RRP12: variants seen among roughly 807,000 people sequenced by gnomAD.
The protein encoded by RRP12 is RRP12-like protein.
In RRP12, 78 loss-of-function variants were observed where a neutral mutation model predicts 157.3. The ratio of observed to expected loss-of-function variants is 0.50; its 90% confidence interval spans 0.41 to 0.60. RRP12 has a LOEUF of 0.60. Ranked by LOEUF, RRP12 falls within the 20% of genes least tolerant of loss-of-function variation. The pLI is 0.00. For missense variants in RRP12, 1,521 were observed against 1,679.9 expected (o/e 0.91, Z 1.65); for synonymous variants, 726 against 670.9 (o/e 1.08, Z -1.27).
chr10:97,392,468 GCCT>G (rs1433773368), intron 4 of RRP12, among the ~76,000 whole-genome samples: 1 of 152,092 alleles, frequency 6.6e-6, no homozygotes, highest in Non-Finnish European at 1.5e-5. Context: ...TCCTGCCTCA[GCCT>G]CCCAAGTAGC....
chr10:97,365,129 C>A (rs1037319214), intron 29 of RRP12, among the ~76,000 whole-genome samples: 1 of 152,034 alleles, frequency 6.6e-6, no homozygotes, highest in Non-Finnish European at 1.5e-5. Context: ...GCTGACCGAG[C>A]GGCTGCAGTC....
chr10:97,395,644 T>G (rs1335612401), intron 3 of RRP12, among the ~76,000 whole-genome samples: 1 of 149,510 alleles, frequency 6.7e-6, no homozygotes, highest in African/African-American at 2.5e-5. Flanking sequence ...AGGTCAGGAG[T>G]TCGAGACAAG....
At chr10:97,359,703 G>A (rs907755715) in intron 31 of RRP12, among the ~76,000 whole-genome samples, 1 of 152,204 alleles carries the variant, frequency 6.6e-6, no homozygotes, top group African/African-American at 2.4e-5. Flanking sequence ...GACAGACAGT[G>A]TAACCAGGCC....
chr10:97,396,233 C>T lies in RRP12; in HGVS notation c.438G>A (p.Glu146=). The T allele has an allele frequency of 6.2e-7, 1 of 1,612,782 alleles. No individual in the cohort carries two copies. The highest frequency in any genetic ancestry group is 8.5e-7 in the Non-Finnish European group (1 of 1,178,846). The change falls in exon 3 of 34, where the codon GAG becomes GAA. Residue 146 remains glutamate (E), a synonymous_variant. Transcript: ENST00000370992. The stretch of plus-strand genomic sequence containing the variant: ...ACCCACTCACCAGAGCAGCGAAGTA[C>T]TCAGTCTCCGTCTCCTTCCCTCCCT... The part of the protein sequence containing the change: ...RSQGGKETET[E]YFAALMTTME...
At chr10:97,365,497 T>C (rs1474955696) in intron 29 of RRP12, among the ~76,000 whole-genome samples, 1 of 151,960 alleles carries the variant, frequency 6.6e-6, no homozygotes, top group African/African-American at 2.4e-5. Context: ...ATGGTCTTGA[T>C]CTCCTGACCT....
At chr10:97,373,492 G>T in intron 17 of RRP12, 83 bp downstream of exon 17, 1 of 1,410,342 alleles carries the variant, frequency 7.1e-7, no homozygotes, top group South Asian at 1.4e-5. Context: ...GGCTCTGCCT[G>T]GCAAGGAGTG....
rs765180714 is a variant in RRP12 at position 97,381,354 on chromosome 10, A to G, written c.1418+32T>C. ...ATAGAACTTTCCTCAAGGTACCACC[A>G]TCCCTTCCTAACATGGACCCCATAT... On this transcript the variant is annotated intron_variant, in intron 12 of 33. Transcript: ENST00000370992. 22 of 1,496,884 alleles carry G rather than the reference A, an allele frequency of 1.5e-5. 1 individual carries two copies. In the South Asian group the frequency reaches 2.0e-4, roughly 14 times the overall value. 92.7% of individuals were successfully genotyped at this position (1,496,884 alleles called of 1,614,324 possible).
intron 24 of RRP12, 58 bp from the exon 25 acceptor site, chr10:97,369,640 C>T: frequency 6.6e-7 from 1 of 1,510,616 alleles, no homozygotes; most frequent in African/African-American, 1.4e-5. Flanking sequence ...AGACCCAAAC[C>T]TTCCCCACTG....
chr10:97,371,033 C>T lies in RRP12; in HGVS notation c.2392G>A (p.Val798Met), dbSNP rs1051868042. ...QKKAYRVLEE[V>M]CASPQGPGAL... ...CCGGGGCCCTGAGGACTGGCACACA[C>T]CTCCTCCAGCACTCGGTAGGCCTTC... Residue 798 changes from valine (V) to methionine (M), a missense_variant, in exon 21 of 34, where the codon GTG becomes ATG. Coordinates refer to ENST00000370992, the MANE Select transcript of RRP12 (RefSeq NM_015179.4). The T allele has an allele frequency of 6.2e-7, 1 of 1,613,662 alleles. No individual in the cohort carries two copies. Among genetic ancestry groups the T allele is most frequent in the Non-Finnish European group, 8.5e-7 (1 of 1,179,808 alleles).
Position 97,357,129 on chromosome 10 carries a change from C to T in RRP12, c.3859G>A (p.Gly1287Arg). ...VKAARRGSQVGHKNRRKDRRP is the reference protein window; with the variant it reads ...VKAARRGSQVRHKNRRKDRRP ...CGATCCTTTCTGCGGTTTTTGTGTC[C>T]CACCTGGGAACCTCGCCGGGCAGCC... Residue 1287 changes from glycine to arginine, a missense_variant, in exon 34 of 34, where the codon GGA (glycine) becomes AGA (arginine). Transcript: ENST00000370992. 1 of 1,613,394 alleles carries T rather than the reference C, an allele frequency of 6.2e-7. No individual in the cohort carries two copies. The highest frequency in any genetic ancestry group is 8.5e-7 in the Non-Finnish European group (1 of 1,179,532).
Position 97,370,986 on chromosome 10 carries a change from G to T in RRP12, c.2439C>A (p.His813Gln). The T allele has an allele frequency of 6.2e-7, 1 of 1,614,022 alleles. No homozygotes were observed. The highest frequency in any genetic ancestry group is 8.5e-7 in the Non-Finnish European group (1 of 1,180,000). ...QGPGALFVQS[H>Q]LEDLKKTLLD... is the part of the protein sequence containing the mutation. ...GCAGTGTCTTCTTCAGGTCCTCCAG[G>T]TGGCTCTGCACGAAGAGGGCCCCGG... Residue 813 changes from histidine (H) to glutamine (Q), a missense_variant, in exon 21 of 34, where the codon CAC (histidine) becomes CAA (glutamine). His to Gln is a conservative substitution (Grantham distance 24). Coordinates refer to ENST00000370992, the MANE Select transcript of RRP12 (RefSeq NM_015179.4).
chr10:97,380,832 C>A lies in RRP12; in HGVS notation c.1500G>T (p.Ala500=). 1 of 1,614,050 alleles carries A rather than the reference C, an allele frequency of 6.2e-7. No individual in the cohort carries two copies. Among genetic ancestry groups the A allele is most frequent in the Non-Finnish European group, 8.5e-7 (1 of 1,179,890 alleles). The change falls in exon 13 of 34, where the codon GCG becomes GCT. Residue 500 remains alanine, a synonymous_variant. Transcript: ENST00000370992. Reference sequence around the variant, plus strand: ...TCACAGGGTGGGCCTGTCTCCCACACGCCTCGAAGAAGACACACAGCAGCT... The same window carrying A: ...TCACAGGGTGGGCCTGTCTCCCACAAGCCTCGAAGAAGACACACAGCAGCT... The part of the protein sequence containing the change: ...VLQLLCVFFE[A]CGRQAHPVMR...
rs1188873966 is a variant in RRP12 at position 97,379,308 on chromosome 10, T to A, written c.1783A>T (p.Thr595Ser). Reference protein sequence around the residue: ...FTTYFLPLANTLKSKAMDLAQ... With the variant: ...FTTYFLPLANSLKSKAMDLAQ... The stretch of plus-strand genomic sequence containing the variant: ...TCTCTCCTACCTTTGCTCTTCAGGG[T>A]GTTAGCCAGGGGCAAGAAGTAGGTG... The change falls in exon 15 of 34, where the codon ACC (threonine) becomes TCC (serine). Residue 595 changes from threonine to serine, a missense_variant. Transcript: ENST00000370992. 1.2e-6 allele frequency: 2 copies of A among 1,613,936 alleles called. No homozygotes were observed. Among genetic ancestry groups the A allele is most frequent in the Non-Finnish European group, 1.7e-6 (2 of 1,179,916 alleles).
chr10:97,357,362 C>T (rs116851397), intron 33 of RRP12, among the ~76,000 whole-genome samples, 166 bp from the exon 34 acceptor site: 4 of 152,254 alleles, frequency 2.6e-5, no homozygotes, highest in East Asian at 1.9e-4. Context: ...AGCTTCCACA[C>T]GGCTCATGTC....
intron 15 of RRP12, among the ~76,000 whole-genome samples, chr10:97,376,868 ATTTC>A (rs1423910649): frequency 2.7e-5 from 4 of 149,510 alleles, no homozygotes; most frequent in Admixed American, 1.3e-4. Flanking sequence ...AGGCCATACA[ATTTC>A]TTTCTTTTCT....
chr10:97,389,493 G>A (rs1390341576), intron 6 of RRP12, among the ~76,000 whole-genome samples: 4 of 152,216 alleles, frequency 2.6e-5, no homozygotes, highest in East Asian at 3.9e-4. Flanking sequence ...TGTGAGCACC[G>A]AGGGAAGGGG....
intron 33 of RRP12, among the ~76,000 whole-genome samples, chr10:97,358,310 C>T (rs964817782): frequency 2.6e-5 from 4 of 151,348 alleles, no homozygotes; most frequent in African/African-American, 7.3e-5. Context: ...TCCAGCCTGG[C>T]GACAGAGCAA....
At position 97,390,496 on chromosome 10, in the gene RRP12, T is replaced by C; in HGVS notation, c.680A>G (p.Glu227Gly). Residue 227 changes from glutamate to glycine, a missense_variant, in exon 6 of 34, where the codon GAG becomes GGG. By Grantham distance (98) the Glu-to-Gly change is moderately conservative. Coordinates refer to ENST00000370992, the MANE Select transcript of RRP12 (RefSeq NM_015179.4). ...LATLLRKQDL[E>G]AWGYPVTLQV... ...AAGGGTCACGGGGTAGCCCCAGGCC[T>C]CCAGGTCTTGCTTCCGCAGAAGGGT... is the stretch of plus-strand genomic sequence containing the variant. The C allele has an allele frequency of 6.2e-7, 1 of 1,614,098 alleles. No individual in the cohort carries two copies. Among genetic ancestry groups the C allele is most frequent in the South Asian group, 1.1e-5 (1 of 91,078 alleles).
At chr10:97,365,552 C>T (rs560602757) in intron 29 of RRP12, among the ~76,000 whole-genome samples, 240 of 152,114 alleles carry the variant, frequency 1.6e-3, no homozygotes, top group Middle Eastern at 3.4e-3. Flanking sequence ...GGATTACAGG[C>T]GTGAGCCACC....
Sources: gnomAD v4.1 joint callset for allele counts (sites outside exome capture counted in the v4.1 genomes callset) on GRCh38, gnomAD v4.1.1 for gene constraint, MANE v1.5 for transcripts, NCBI Gene and HGNC (gene_info 2026-07-23, HGNC 2026-07-21) for gene names.